The following ZBTB7C variants were observed in gnomAD, a reference collection of about 807,000 sequenced individuals.
ZBTB7C encodes zinc finger and BTB domain-containing protein 7C.
Under a neutral mutation model 25.7 loss-of-function variants are expected in ZBTB7C, and 8 were observed. That is an observed-to-expected ratio of 0.31 (90% CI 0.18 to 0.56). The LOEUF is 0.56. Ranked by LOEUF, ZBTB7C falls within the 20% of genes least tolerant of loss-of-function variation. The pLI, the probability that ZBTB7C is intolerant of heterozygous loss-of-function variation, is 0.91. For missense variants in ZBTB7C, 824 were observed against 855.2 expected (o/e 0.96, Z 0.46); for synonymous variants, 394 against 369.0 (o/e 1.07, Z -0.78).
chr18:48,226,361 T>A (rs1282461378), intron 2 of ZBTB7C, among the ~76,000 whole-genome samples: 1 of 152,150 alleles, frequency 6.6e-6, no homozygotes, highest in Non-Finnish European at 1.5e-5. Flanking sequence ...CCATTTTAGT[T>A]TTTACTTCCT....
chr18:48,158,033 CCT>C (rs1008906508), intron 3 of ZBTB7C, among the ~76,000 whole-genome samples: 3 of 151,992 alleles, frequency 2.0e-5, no homozygotes, highest in African/African-American at 4.8e-5. Context: ...ATCTCTGTTT[CCT>C]CTCTCTCTGA....
At chr18:48,367,258 T>C (rs939649715) in intron 1 of ZBTB7C, among the ~76,000 whole-genome samples, 1 of 124,532 alleles carries the variant, frequency 8.0e-6, no homozygotes, top group Non-Finnish European at 1.7e-5. Context: ...CACACATATA[T>C]AGTATATATG....
intron 3 of ZBTB7C, among the ~76,000 whole-genome samples, chr18:48,120,050 G>A (rs8083305): frequency 0.14 from 21,914 of 152,126 alleles, 1,789 homozygotes; most frequent in South Asian, 0.23. Context: ...TGGGGTCTGA[G>A]ATGCTACATT....
At chr18:48,245,995 C>G (rs1397574091) in intron 2 of ZBTB7C, among the ~76,000 whole-genome samples, 1 of 152,086 alleles carries the variant, frequency 6.6e-6, no homozygotes, top group Non-Finnish European at 1.5e-5. Flanking sequence ...AATCATATAG[C>G]TCAGGTGTAA....
intron 2 of ZBTB7C, among the ~76,000 whole-genome samples, chr18:48,299,321 C>T (rs1235037087): frequency 6.6e-6 from 1 of 152,220 alleles, no homozygotes; most frequent in Admixed American, 6.5e-5. Context: ...CCTTGCAGCT[C>T]CCTCTCCTGC....
chr18:48,217,664 C>G (rs2042857443), intron 2 of ZBTB7C, among the ~76,000 whole-genome samples: 1 of 152,058 alleles, frequency 6.6e-6, no homozygotes, highest in Non-Finnish European at 1.5e-5. Flanking sequence ...CCCCAGAGAG[C>G]CACACTCCCC....
At chr18:48,335,108 G>A (rs1025638237) in intron 2 of ZBTB7C, among the ~76,000 whole-genome samples, 5 of 152,232 alleles carry the variant, frequency 3.3e-5, no homozygotes, top group South Asian at 2.1e-4. Flanking sequence ...CACCACCAGG[G>A]GCTAAGGCCC....
intron 1 of ZBTB7C, among the ~76,000 whole-genome samples, chr18:48,392,886 G>C (rs1021468695): frequency 6.6e-6 from 1 of 152,196 alleles, no homozygotes; most frequent in African/African-American, 2.4e-5. Flanking sequence ...GGCCTGGAAA[G>C]CTGGGAGACC....
intron 3 of ZBTB7C, among the ~76,000 whole-genome samples, chr18:48,110,591 C>A (rs1476619531): frequency 6.6e-6 from 1 of 152,214 alleles, no homozygotes; most frequent in Admixed American, 6.5e-5. Flanking sequence ...CCCATCAGAA[C>A]CCCTGAGATT....
At chr18:48,105,992 A>G (rs1239166588) in intron 3 of ZBTB7C, among the ~76,000 whole-genome samples, 1 of 152,246 alleles carries the variant, frequency 6.6e-6, no homozygotes, top group African/African-American at 2.4e-5. Flanking sequence ...ACTACTAAAA[A>G]TCCTGATAAC....
intron 1 of ZBTB7C, among the ~76,000 whole-genome samples, chr18:48,375,863 T>C (rs2047507758): frequency 1.3e-5 from 2 of 152,228 alleles, no homozygotes; most frequent in Admixed American, 1.3e-4. Flanking sequence ...CACTAGGAAC[T>C]TGAAGACTTG....
chr18:48,232,032 C>T, intron 2 of ZBTB7C, among the ~76,000 whole-genome samples: 1 of 152,234 alleles, frequency 6.6e-6, no homozygotes, highest in Non-Finnish European at 1.5e-5. Flanking sequence ...CTGCTCCACA[C>T]CTGGCTCATC....
rs564443717 is a variant in ZBTB7C, at chr18:48,259,602, T to C, written c.-78-73607A>G. Among the ~76,000 whole-genome samples, 29 of 152,218 alleles carry C rather than the reference T, an allele frequency of 1.9e-4. 2 individuals are homozygous for C. The South Asian group carries it at 5.0e-3, about 26-fold the overall frequency. On this transcript the variant is annotated intron_variant, in intron 2 of 4. Coordinates refer to ENST00000590800, the MANE Select transcript of ZBTB7C (RefSeq NM_001318841.2). The stretch of plus-strand genomic sequence containing the variant: ...AGATACCATGAAGAGAATGAAAAGA[T>C]AAACTGCAGAAGGTGAGAAATATGC...
At chr18:48,387,639 G>A (rs1400778369) in intron 1 of ZBTB7C, among the ~76,000 whole-genome samples, 1 of 152,198 alleles carries the variant, frequency 6.6e-6, no homozygotes, top group Non-Finnish European at 1.5e-5. Context: ...GGGCCAGAGA[G>A]GAGGTGCAGC....
chr18:48,375,858 G>A (rs765919245), intron 1 of ZBTB7C, among the ~76,000 whole-genome samples: 3 of 152,202 alleles, frequency 2.0e-5, no homozygotes, highest in Non-Finnish European at 2.9e-5. Context: ...TGACACACTA[G>A]GAACTTGAAG....
At chr18:48,053,155 C>T (rs1189847332) in intron 3 of ZBTB7C, among the ~76,000 whole-genome samples, 2 of 152,206 alleles carry the variant, frequency 1.3e-5, no homozygotes, top group Non-Finnish European at 2.9e-5. Flanking sequence ...GCGTCCCTTC[C>T]GCCTGCCCCA....
chr18:48,046,389 C>G (rs1297462196), intron 3 of ZBTB7C, among the ~76,000 whole-genome samples: 1 of 152,190 alleles, frequency 6.6e-6, no homozygotes, highest in African/African-American at 2.4e-5. Flanking sequence ...GTAGCAGGGT[C>G]CTGACCCTCA....
intron 2 of ZBTB7C, among the ~76,000 whole-genome samples, chr18:48,188,262 A>G (rs1334877739): frequency 1.3e-5 from 2 of 151,834 alleles, no homozygotes; most frequent in Non-Finnish European, 1.5e-5. Flanking sequence ...TAAAGGAGAG[A>G]GGTTTAATTG....
At chr18:48,154,913 A>T (rs554050134) in intron 3 of ZBTB7C, among the ~76,000 whole-genome samples, 1 of 152,354 alleles carries the variant, frequency 6.6e-6, no homozygotes, top group East Asian at 1.9e-4. Context: ...GATCTGAAGA[A>T]GTCAAGTCTG....
Sources: allele counts gnomAD v4.1 joint callset (sites outside exome capture counted in the v4.1 genomes callset), GRCh38; gene constraint gnomAD v4.1.1; transcripts MANE v1.5; gene names NCBI Gene and HGNC (gene_info 2026-07-23, HGNC 2026-07-21).